The following SH3KBP1 variants were observed in gnomAD, a reference collection of about 807,000 sequenced individuals.
SH3KBP1 encodes the protein SH3 domain-containing kinase-binding protein 1.
In SH3KBP1, 8 loss-of-function variants were observed where a neutral mutation model predicts 50.1. That is an observed-to-expected ratio of 0.16 (90% CI 0.09 to 0.29). The LOEUF (loss-of-function observed/expected upper bound fraction) is 0.29, where lower values mean the gene tolerates loss of function less well. SH3KBP1 is among the 10% of genes least tolerant of loss of function. The probability of loss-of-function intolerance (pLI) is 1.00; values close to 1 mark genes in which losing one functional copy is unlikely to be tolerated. For synonymous variants in SH3KBP1, 227 were observed against 218.6 expected, an observed-to-expected ratio of 1.04 and a Z score of -0.34; for missense variants, 377 against 535.2, an observed-to-expected ratio of 0.70 and a Z score of 2.92.
intron 2 of SH3KBP1, among the ~76,000 whole-genome samples, chrX:19,805,042 G>A (rs1439171546): frequency 9.1e-6 from 1 of 109,692 alleles, no homozygotes; most frequent in African/African-American, 3.3e-5. Context: ...ACAAATGGGA[G>A]GGCACAATCA....
chrX:19,842,293 C>T (rs900662930), intron 1 of SH3KBP1, among the ~76,000 whole-genome samples: 3 of 112,072 alleles, frequency 2.7e-5, no homozygotes, highest in Admixed American at 9.4e-5. Context: ...TTTGGGAGGC[C>T]GAGGCGGGCA....
intron 2 of SH3KBP1, among the ~76,000 whole-genome samples, chrX:19,748,344 T>C (rs369393709): frequency 2.7e-5 from 3 of 111,590 alleles, no homozygotes; most frequent in African/African-American, 6.5e-5. Context: ...AGCGCCAGCA[T>C]TGTGAGGCTG....
intron 12 of SH3KBP1, among the ~76,000 whole-genome samples, chrX:19,581,016 A>G (rs1428305339): frequency 9.0e-6 from 1 of 111,268 alleles, no homozygotes; most frequent in East Asian, 2.8e-4. Flanking sequence ...TAGTGGTGCA[A>G]TCATTGCTCA....
intron 8 of SH3KBP1, among the ~76,000 whole-genome samples, chrX:19,625,108 T>C (rs1226534816): frequency 8.9e-6 from 1 of 112,294 alleles, no homozygotes; most frequent in African/African-American, 3.2e-5. Context: ...AAGCTAAGGA[T>C]CTTGCTTGAG....
chrX:19,568,986 G>T, intron 13 of SH3KBP1, 117 bp downstream of exon 13: 1 of 611,574 alleles, frequency 1.6e-6, no homozygotes, highest in Non-Finnish European at 2.7e-6. Flanking sequence ...AAGCAAGGGT[G>T]CCAGCCTGGC....
At chrX:19,886,708 T>A (rs73443573) in intron 1 of SH3KBP1, among the ~76,000 whole-genome samples, 1,584 of 106,676 alleles carry the variant, frequency 0.015, 25 homozygotes, top group African/African-American at 0.051. Context: ...AGCGAAAGGG[T>A]CGGGGCCGGG....
At chrX:19,884,608 T>C (rs1474323164) in intron 1 of SH3KBP1, among the ~76,000 whole-genome samples, 1 of 112,529 alleles carries the variant, frequency 8.9e-6, no homozygotes, top group Non-Finnish European at 1.9e-5. Context: ...ATTATGTTCA[T>C]TTTAGCTTTA....
chrX:19,846,243 T>C (rs1031608266), intron 1 of SH3KBP1, among the ~76,000 whole-genome samples: 1 of 110,437 alleles, frequency 9.1e-6, no homozygotes, highest in Non-Finnish European at 1.9e-5. Context: ...AGAGATGGGG[T>C]TTCATCATGT....
intron 6 of SH3KBP1, among the ~76,000 whole-genome samples, chrX:19,680,659 A>G (rs2063028903): frequency 8.9e-6 from 1 of 111,973 alleles, no homozygotes; most frequent in Non-Finnish European, 1.9e-5. Context: ...ACACATAACC[A>G]TCTCAAAAGT....
At chrX:19,587,687 G>C (rs1000608165) in intron 12 of SH3KBP1, among the ~76,000 whole-genome samples, 11 of 111,878 alleles carry the variant, frequency 9.8e-5, no homozygotes, top group Non-Finnish European at 2.1e-4. Flanking sequence ...TGAGAGGATA[G>C]AGTAGCCAAG....
At chrX:19,541,138 A>C (rs2064878334) in intron 16 of SH3KBP1, among the ~76,000 whole-genome samples, 1 of 111,797 alleles carries the variant, frequency 8.9e-6, no homozygotes, top group African/African-American at 3.3e-5. Context: ...GCTAGTCTCA[A>C]ACTCCTGACC....
intron 2 of SH3KBP1, among the ~76,000 whole-genome samples, chrX:19,749,018 A>G (rs1286207282): frequency 8.9e-6 from 1 of 112,664 alleles, no homozygotes; most frequent in Non-Finnish European, 1.9e-5. Context: ...AAAACATACA[A>G]GTGGCTAATG....
Position 19,572,265 on chromosome X carries a change from T to C in SH3KBP1, c.1299-3077A>G, listed in dbSNP as rs761817612. On this transcript the variant is annotated intron_variant, in intron 12 of 17. Coordinates refer to ENST00000397821, the MANE Select transcript of SH3KBP1 (RefSeq NM_031892.3). ...TGTTATATAGAGTACATATATGTTA[T>C]ATAGAGTATATGTTATATATAGTCA... 7.5e-5 allele frequency among the ~76,000 whole-genome samples: 8 copies of C among 106,817 alleles called. No homozygotes were observed. In the East Asian group the frequency reaches 2.3e-3, roughly 30 times the overall value. The allele number at this position is 106,817 out of a possible 115,157, so 92.8% of individuals were successfully genotyped here.
chrX:19,620,840 T>C (rs1207646367), intron 8 of SH3KBP1, among the ~76,000 whole-genome samples: 1 of 112,045 alleles, frequency 8.9e-6, no homozygotes, highest in African/African-American at 3.2e-5. Flanking sequence ...CAAAAGTTTT[T>C]AATTTTGCTG....
chrX:19,681,431 A>G (rs756272725), intron 6 of SH3KBP1, among the ~76,000 whole-genome samples: 1 of 113,028 alleles, frequency 8.8e-6, no homozygotes, highest in Admixed American at 9.3e-5. Flanking sequence ...TTATTCATTC[A>G]ACAATATTTA....
intron 13 of SH3KBP1, among the ~76,000 whole-genome samples, chrX:19,558,035 C>T (rs1414220657): frequency 8.9e-6 from 1 of 112,243 alleles, no homozygotes; most frequent in Non-Finnish European, 1.9e-5. Flanking sequence ...GGAAAAGTAG[C>T]TCTCCACATT....
At chrX:19,623,042 C>CAA (rs773914815) in intron 8 of SH3KBP1, among the ~76,000 whole-genome samples, 732 of 19,724 alleles carry the variant, frequency 0.037, 3 homozygotes, top group Non-Finnish European at 0.058. Context: ...CACTCTGACT[C>CAA]AAAAAAAAAA....
chrX:19,613,452 A>G (rs1481364495), intron 8 of SH3KBP1, among the ~76,000 whole-genome samples: 4 of 112,118 alleles, frequency 3.6e-5, no homozygotes, highest in African/African-American at 9.7e-5. Context: ...CTCTATTGGC[A>G]TGAACTCAGG....
intron 1 of SH3KBP1, among the ~76,000 whole-genome samples, chrX:19,871,452 G>C: frequency 1.8e-5 from 2 of 112,535 alleles, no homozygotes; most frequent in Non-Finnish European, 3.8e-5. Flanking sequence ...AGGTAACAAA[G>C]GGATAAAGTA....
Sources: allele counts gnomAD v4.1 joint callset (sites outside exome capture counted in the v4.1 genomes callset), GRCh38; gene constraint gnomAD v4.1.1; transcripts MANE v1.5; gene names NCBI Gene and HGNC (gene_info 2026-07-23, HGNC 2026-07-21).